Variants in DAB1 observed in about 807,000 individuals in gnomAD.
The protein encoded by DAB1 is DAB adaptor protein 1, also known as disabled homolog 1.
DAB1 carries 15 observed loss-of-function variants against 64.6 expected under a neutral mutation model. That is an observed-to-expected ratio of 0.23 (90% CI 0.16 to 0.36). The LOEUF (loss-of-function observed/expected upper bound fraction) is 0.36. Among genes scored for constraint, DAB1 ranks in the 10% least tolerant of loss-of-function variants. DAB1 has a pLI of 1.00. For synonymous variants in DAB1, 235 were observed against 251.9 expected, an observed-to-expected ratio of 0.93 and a Z score of 0.64; for missense variants, 596 against 706.7, an observed-to-expected ratio of 0.84 and a Z score of 1.78.
intron 5 of DAB1, among the ~76,000 whole-genome samples, chr1:58,037,195 G>T (rs1249583061): frequency 1.3e-5 from 2 of 152,098 alleles, no homozygotes; most frequent in Non-Finnish European, 2.9e-5. Context: ...AACCCCCTTT[G>T]CCTGCACACA....
intron 4 of DAB1, among the ~76,000 whole-genome samples, chr1:58,220,540 A>T (rs1250080711): frequency 2.0e-5 from 3 of 152,178 alleles, no homozygotes; most frequent in Non-Finnish European, 4.4e-5. Flanking sequence ...GTCATTTTTT[A>T]AATTTTAAAT....
At chr1:58,333,143 G>T (rs2100496779) in intron 4 of DAB1, among the ~76,000 whole-genome samples, 1 of 152,170 alleles carries the variant, frequency 6.6e-6, no homozygotes, top group African/African-American at 2.4e-5. Context: ...CTCCAGACCT[G>T]TTTATTTTTT....
At chr1:57,297,922 C>G (rs1035404796) in intron 1 of DAB1, among the ~76,000 whole-genome samples, 18 of 152,104 alleles carry the variant, frequency 1.2e-4, no homozygotes, top group African/African-American at 3.4e-4. Flanking sequence ...AGTCTATGGA[C>G]CAAATTTGCA....
intron 2 of DAB1, among the ~76,000 whole-genome samples, chr1:57,197,328 A>G (rs1348398438): frequency 2.1e-5 from 3 of 142,040 alleles, no homozygotes; most frequent in African/African-American, 5.4e-5. Flanking sequence ...TAGGTGACAG[A>G]GAGAGACTTC....
At chr1:58,322,638 G>T (rs7516795) in intron 4 of DAB1, among the ~76,000 whole-genome samples, 10 of 152,224 alleles carry the variant, frequency 6.6e-5, no homozygotes, top group Non-Finnish European at 1.2e-4. Context: ...TTACAGTTTT[G>T]TTGGGAGTGT....
At position 57,134,694 on chromosome 1, in the gene DAB1, G is replaced by A. The variant is rs891230314; in HGVS notation, c.306+1849C>T. On this transcript the variant is annotated intron_variant, in intron 4 of 14. Coordinates refer to ENST00000371236, the MANE Select transcript of DAB1 (RefSeq NM_001365792.1). ...TTTAAAAAGAAAAAGAATACAAAAC[G>A]TGGGTGAAGTTAGAAAAGATTTATC... Among the ~76,000 whole-genome samples the A allele has an allele frequency of 3.9e-5, 6 of 152,174 alleles. No individual in the cohort carries two copies. In the East Asian group the frequency reaches 5.8e-4, roughly 15 times the overall value.
chr1:57,630,430 A>G (rs1000133602), intron 7 of DAB1, among the ~76,000 whole-genome samples: 6 of 152,196 alleles, frequency 3.9e-5, no homozygotes, highest in Non-Finnish European at 1.5e-5. Flanking sequence ...AGCTACACTA[A>G]GTGATTATTT....
intron 2 of DAB1, among the ~76,000 whole-genome samples, chr1:57,199,793 T>C (rs932509): frequency 0.22 from 32,812 of 152,058 alleles, 4,257 homozygotes; most frequent in Admixed American, 0.33. Context: ...CCAAGTTTCC[T>C]TGGCTGTTAA....
intron 7 of DAB1, among the ~76,000 whole-genome samples, chr1:57,477,075 T>C (rs987423050): frequency 6.6e-6 from 1 of 152,224 alleles, no homozygotes; most frequent in Admixed American, 6.5e-5. Context: ...AAAAGCCTAA[T>C]CAAGGCTTCA....
chr1:57,471,033 A>T (rs144112183), intron 7 of DAB1, among the ~76,000 whole-genome samples: 74 of 152,336 alleles, frequency 4.9e-4, no homozygotes, highest in African/African-American at 1.7e-3. Flanking sequence ...ACAGCAAGAA[A>T]TTCTGAGTCC....
intron 6 of DAB1, among the ~76,000 whole-genome samples, chr1:57,764,065 G>A (rs533716178): frequency 6.6e-6 from 1 of 152,226 alleles, no homozygotes; most frequent in African/African-American, 2.4e-5. Context: ...TCATTCAGAA[G>A]CCAGAGAATA....
At chr1:57,582,326 C>T (rs1001074834) in intron 7 of DAB1, among the ~76,000 whole-genome samples, 8 of 152,130 alleles carry the variant, frequency 5.3e-5, no homozygotes, top group African/African-American at 1.7e-4. Context: ...CAGAAGGAAG[C>T]TCCAGACATT....
intron 1 of DAB1, chr1:58,539,317 C>CAA: frequency 2.9e-5 from 18 of 628,600 alleles, no homozygotes; most frequent in Non-Finnish European, 4.1e-5. Context: ...CTACCTGAAA[C>CAA]AAAAAAAAAA....
chr1:57,348,741 G>C (rs1570340256), intron 1 of DAB1, among the ~76,000 whole-genome samples: 1 of 152,082 alleles, frequency 6.6e-6, no homozygotes, highest in Non-Finnish European at 1.5e-5. Flanking sequence ...CCTTCTGCCT[G>C]ACTCTAACCA....
intron 7 of DAB1, among the ~76,000 whole-genome samples, chr1:57,601,083 GATATT>G (rs1375559191): frequency 6.6e-6 from 1 of 151,632 alleles, no homozygotes; most frequent in African/African-American, 2.4e-5. Context: ...TCAATTTGCC[GATATT>G]ATAAGATAAA....
At chr1:57,990,442 ATTTAAC>A (rs1279582178) in intron 5 of DAB1, among the ~76,000 whole-genome samples, 3 of 152,202 alleles carry the variant, frequency 2.0e-5, no homozygotes, top group African/African-American at 2.4e-5. Context: ...TCCCTTCCCA[ATTTAAC>A]TTTAAGCGTC....
At chr1:57,260,995 C>A (rs1015139809) in intron 2 of DAB1, among the ~76,000 whole-genome samples, 1 of 152,100 alleles carries the variant, frequency 6.6e-6, no homozygotes, top group Admixed American at 6.5e-5. Flanking sequence ...ATTTATCTCC[C>A]GCATTTAATG....
chr1:58,444,787 A>C (rs950186376), intron 3 of DAB1, among the ~76,000 whole-genome samples: 1 of 152,172 alleles, frequency 6.6e-6, no homozygotes, highest in Admixed American at 6.5e-5. Flanking sequence ...TTATTAATGG[A>C]AAGGGGCTTT....
chr1:57,560,616 C>T (rs1215411268), intron 7 of DAB1, among the ~76,000 whole-genome samples: 1 of 152,084 alleles, frequency 6.6e-6, no homozygotes, highest in African/African-American at 2.4e-5. Context: ...ATTTAGTGAC[C>T]CCGAAGGCTG....
Sources: allele counts gnomAD v4.1 joint callset (sites outside exome capture counted in the v4.1 genomes callset), GRCh38; gene constraint gnomAD v4.1.1; transcripts MANE v1.5; gene names NCBI Gene and HGNC (gene_info 2026-07-23, HGNC 2026-07-21).